Variants in DLG4 observed in about 807,000 individuals in gnomAD.
DLG4 encodes disks large homolog 4.
In DLG4, 7 loss-of-function variants were observed where a neutral mutation model predicts 93.8. The ratio of observed to expected loss-of-function variants is 0.07; its 90% CI spans 0.04 to 0.14. DLG4 has a LOEUF of 0.14. DLG4 is among the 10% of genes least tolerant of loss of function. The probability of loss-of-function intolerance (pLI) is 1.00; values close to 1 mark genes in which losing one functional copy is unlikely to be tolerated. For synonymous variants in DLG4, 341 were observed against 387.6 expected (o/e 0.88, Z 1.41); for missense variants, 545 against 992.9 (o/e 0.55, Z 6.06).
At chr17:7,192,071 GGGACACGGAC>G in intron 17 of DLG4, 69 bp from the exon 18 acceptor site, 1 of 888,860 alleles carries the variant, frequency 1.1e-6, no homozygotes, top group Non-Finnish European at 1.6e-6. Context: ...CAGTGCCGGA[GGGACACGGAC>G]GGGGAGAGGT....
chr17:7,218,774 C>T, upstream of DLG4: 4 of 1,606,458 alleles, frequency 2.5e-6, no homozygotes, highest in Non-Finnish European at 3.4e-6. Context: ...GATCTCCGAG[C>T]CCCAGCCCCC....
chr17:7,205,470 A>G (rs1189099985), intron 2 of DLG4, among the ~76,000 whole-genome samples: 1 of 152,076 alleles, frequency 6.6e-6, no homozygotes, highest in East Asian at 1.9e-4. Context: ...GCAGTCGCCC[A>G]AGCGCAAGGA....
intron 3 of DLG4, 22 bp from the exon 4 acceptor site, chr17:7,204,089 A>G: frequency 6.2e-7 from 1 of 1,605,318 alleles, no homozygotes; most frequent in Non-Finnish European, 8.5e-7. Context: ...AGAAACACAA[A>G]AGCAGTGAGA....
upstream of DLG4, chr17:7,220,008 G>C (rs903824712): frequency 4.4e-6 from 7 of 1,604,688 alleles, no homozygotes; most frequent in Non-Finnish European, 5.1e-6. Flanking sequence ...GGATGGCCGC[G>C]AGCTTGGGGC....
At chr17:7,215,511 AG>A (rs948421372) in intron 1 of DLG4, among the ~76,000 whole-genome samples, 5 of 152,226 alleles carry the variant, frequency 3.3e-5, no homozygotes, top group African/African-American at 1.2e-4. Context: ...GCCAAGTGAC[AG>A]GCCTAAGGGC....
chr17:7,192,987 G>A lies in DLG4; in HGVS notation c.1824C>T (p.Leu608=), dbSNP rs1270151784. The change falls in exon 17 of 20, where the codon CTC becomes CTT. Residue 608 remains leucine (L), a synonymous_variant. Transcript: ENST00000399506. ...GCACGGACTGGACGCTGGTCCCATAGAGGTGGCTGTTGTACTGGCCGGCCT... is the reference window on the plus strand; with the variant it reads ...GCACGGACTGGACGCTGGTCCCATAAAGGTGGCTGTTGTACTGGCCGGCCT... ...FIEAGQYNSH[L]YGTSVQSVRE... is the part of the protein sequence containing the mutation. 6.2e-7 allele frequency: 1 copy of A among 1,613,720 alleles called. No individual in the cohort carries two copies. The highest frequency in any genetic ancestry group is 2.2e-5 in the East Asian group (1 of 44,880).
At chr17:7,212,999 C>T (rs1426079686) in intron 1 of DLG4, among the ~76,000 whole-genome samples, 3 of 152,030 alleles carry the variant, frequency 2.0e-5, no homozygotes, top group Non-Finnish European at 4.4e-5. Context: ...TGCCACTGCA[C>T]TCTAGCCTAG....
Position 7,196,418 on chromosome 17 carries a change from G to A in DLG4, c.1186+55C>T. On this transcript the variant is annotated intron_variant, in intron 10 of 19. Transcript: ENST00000399506. The surrounding 1 kb of genome is among the most constrained non-coding windows in gnomAD (Gnocchi z 8.3). ...TCCCCTACTGAAGCCATCAGCTGAGGAAGAGTTCTAAGGGCCATTTCAGCT... is the reference window on the plus strand; with the variant it reads ...TCCCCTACTGAAGCCATCAGCTGAGAAAGAGTTCTAAGGGCCATTTCAGCT... 1 of 1,609,538 alleles carries A rather than the reference G, an allele frequency of 6.2e-7. No homozygotes were observed. Among genetic ancestry groups the A allele is most frequent in the Non-Finnish European group, 8.5e-7 (1 of 1,175,894 alleles).
intron 8 of DLG4, among the ~76,000 whole-genome samples, chr17:7,201,313 C>G (rs1744840215): frequency 6.6e-6 from 1 of 152,190 alleles, no homozygotes; most frequent in African/African-American, 2.4e-5. Context: ...GTTACACTGT[C>G]TGAAATCTCT....
chr17:7,205,240 C>A (rs528281094), intron 2 of DLG4: 41 of 911,382 alleles, frequency 4.5e-5, no homozygotes, highest in Admixed American at 6.2e-5. Context: ...TCCCTCCCCC[C>A]ACTTCATTCG....
intron 1 of DLG4, chr17:7,211,521 G>A (rs916778826): frequency 9.4e-5 from 17 of 180,960 alleles, no homozygotes; most frequent in African/African-American, 4.1e-4. Flanking sequence ...GACCCACGGC[G>A]CCTGTCCACG....
intron 2 of DLG4, among the ~76,000 whole-genome samples, chr17:7,205,511 C>CA (rs1432669549): frequency 7.2e-5 from 11 of 152,128 alleles, no homozygotes; most frequent in Non-Finnish European, 1.5e-5. Flanking sequence ...TCTCCCCGTC[C>CA]AAAGGGGTCC....
intron 1 of DLG4, among the ~76,000 whole-genome samples, chr17:7,215,449 G>A (rs888955855): frequency 1.3e-5 from 2 of 152,146 alleles, no homozygotes; most frequent in African/African-American, 2.4e-5. Context: ...ACATTCCAGC[G>A]GGCTTTCTAT....
chr17:7,203,150 G>A lies in DLG4; in HGVS notation c.642+43C>T, dbSNP rs369049872. ...TGGGCCTGCCAGGGCTAGTAGGTGA[G>A]ACCCAAATCTGGGCTAGAAAATGGG... On this transcript the variant is annotated intron_variant, in intron 7 of 19. Coordinates refer to ENST00000399506, the MANE Select transcript of DLG4 (RefSeq NM_001321075.3). This position sits in a 1 kb window ranked among gnomAD's most constrained non-coding sequence, Gnocchi z 7.2. 1.6e-5 allele frequency: 25 copies of A among 1,571,258 alleles called. No individual in the cohort carries two copies. The highest frequency in any genetic ancestry group is 2.2e-5 in the Non-Finnish European group (25 of 1,150,670).
At chr17:7,218,693 AAC>A (rs1306756552), upstream of DLG4, 1 of 1,541,108 alleles carries the variant, frequency 6.5e-7, no homozygotes, top group African/African-American at 1.4e-5. Flanking sequence ...CAGGAAGATG[AAC>A]ACACTGTCAC....
At chr17:7,202,577 C>T (rs990607410) in intron 8 of DLG4, 24 of 475,910 alleles carry the variant, frequency 5.0e-5, no homozygotes, top group Non-Finnish European at 7.1e-5. Flanking sequence ...TCGAACTGGC[C>T]TTATAAAATG....
At position 7,188,886 on chromosome 17, in the gene DLG4, C is replaced by T. The variant is rs144410224; in HGVS notation, c.*1822G>A. Among the ~76,000 whole-genome samples, 1,127 of 152,102 alleles carry T rather than the reference C, an allele frequency of 7.4e-3. 4 individuals are homozygous for T. Among genetic ancestry groups the T allele is most frequent in the Admixed American group, 0.013 (206 of 15,270 alleles). On this transcript the variant is annotated 3_prime_UTR_variant, in exon 20 of 20. Transcript: ENST00000399506. ...TAACACTGTGGGAGGCCAAGCTGGG[C>T]GGATCACCTGAGGTCAGGAGTTCGA...
intron 1 of DLG4, among the ~76,000 whole-genome samples, chr17:7,212,225 T>C (rs1555525622): frequency 2.0e-5 from 3 of 152,164 alleles, no homozygotes; most frequent in Non-Finnish European, 4.4e-5. Context: ...GTGCTGTGGA[T>C]AGCATCTCCT....
intron 1 of DLG4, among the ~76,000 whole-genome samples, chr17:7,212,582 G>C (rs1179228869): frequency 2.6e-5 from 4 of 152,060 alleles, no homozygotes; most frequent in African/African-American, 9.7e-5. Context: ...CCCAATTTCA[G>C]GAAATATTTA....
Sources: gnomAD v4.1 joint callset for allele counts (sites outside exome capture counted in the v4.1 genomes callset) on GRCh38, gnomAD v4.1.1 for gene constraint, Gnocchi (gnomAD v3.1) non-coding constraint, MANE v1.5 for transcripts, NCBI Gene and HGNC (gene_info 2026-07-23, HGNC 2026-07-21) for gene names.